Variants in RPTOR observed in about 807,000 individuals in gnomAD.
RPTOR encodes regulatory associated protein of MTOR complex 1, also known as regulatory-associated protein of mTOR.
RPTOR carries 21 observed loss-of-function variants against 169.9 expected under a neutral mutation model. The ratio of observed to expected loss-of-function variants is 0.12; its 90% CI spans 0.09 to 0.18. The LOEUF is 0.18. Ranked by LOEUF, RPTOR falls within the 10% of genes least tolerant of loss-of-function variation. RPTOR has a pLI of 1.00. For missense variants in RPTOR, 1,133 were observed against 1,855.9 expected (o/e 0.61, Z 7.16); for synonymous variants, 732 against 753.2 (o/e 0.97, Z 0.46).
At chr17:80,727,154 CCGAGAACG>C in intron 4 of RPTOR, among the ~76,000 whole-genome samples, 1 of 149,106 alleles carries the variant, frequency 6.7e-6, no homozygotes, top group East Asian at 2.0e-4. Flanking sequence ...ACTTCCTGCT[CCGAGAACG>C]TGAACTCTGC....
chr17:80,958,480 G>A (rs1252359940), intron 29 of RPTOR, among the ~76,000 whole-genome samples: 1 of 136,402 alleles, frequency 7.3e-6, no homozygotes, highest in Non-Finnish European at 1.5e-5. Context: ...GCGCGATCTC[G>A]GCTCACTGCA....
chr17:80,794,264 A>G (rs1156543045), intron 7 of RPTOR, among the ~76,000 whole-genome samples: 2 of 152,252 alleles, frequency 1.3e-5, no homozygotes, highest in Non-Finnish European at 2.9e-5. Context: ...AAAGAAAATT[A>G]GAAAATAGAC....
intron 1 of RPTOR, among the ~76,000 whole-genome samples, chr17:80,590,650 TG>T (rs2065098104): frequency 6.6e-6 from 1 of 152,252 alleles, no homozygotes; most frequent in East Asian, 1.9e-4. Context: ...GTGCACACAG[TG>T]TCTTTAATGG....
intron 3 of RPTOR, among the ~76,000 whole-genome samples, chr17:80,683,624 AT>A (rs2065914332): frequency 6.6e-6 from 1 of 152,048 alleles, no homozygotes; most frequent in African/African-American, 2.4e-5. Context: ...CTTCGCCCCC[AT>A]TCATTCCTTC....
chr17:80,754,232 C>T lies in RPTOR; in HGVS notation c.830+47C>T, dbSNP rs1351381280. The T allele has an allele frequency of 3.3e-6, 5 of 1,522,838 alleles. No individual in the cohort carries two copies. In the Admixed American group the frequency reaches 5.8e-5, roughly 18 times the overall value. The allele number at this position is 1,522,838 out of a possible 1,614,324, so 94.3% of individuals were successfully genotyped here. A position where few individuals can be genotyped will look rare whatever the true frequency, so the allele number is the denominator to read the frequency against. ...CCTGGGACCCACTCAACTGGGCTCT[C>T]CCGCAGGGACCCCAACCCATGTGGG... On this transcript the variant is annotated intron_variant, in intron 6 of 33. Coordinates refer to ENST00000306801, the MANE Select transcript of RPTOR (RefSeq NM_020761.3). The surrounding 1 kb of genome is among the most constrained non-coding windows in gnomAD (Gnocchi z 4.2).
At chr17:80,883,730 G>T (rs1310069857) in intron 15 of RPTOR, 51 bp from the exon 16 acceptor site, 1 of 1,590,770 alleles carries the variant, frequency 6.3e-7, no homozygotes, top group African/African-American at 1.3e-5. Flanking sequence ...CCCACCACGT[G>T]CCTGCCATTG....
chr17:80,597,585 A>G (rs1247354652), intron 1 of RPTOR, among the ~76,000 whole-genome samples: 2 of 152,096 alleles, frequency 1.3e-5, no homozygotes, highest in African/African-American at 4.8e-5. Context: ...GCTGGAGTGC[A>G]GTGCGATCTC....
At chr17:80,877,300 TGA>T (rs2068132041) in intron 13 of RPTOR, among the ~76,000 whole-genome samples, 1 of 152,220 alleles carries the variant, frequency 6.6e-6, no homozygotes, top group South Asian at 2.1e-4. Context: ...GGGGGCGGTT[TGA>T]GTTAGTGAAA....
chr17:80,596,421 CT>C (rs970493340), intron 1 of RPTOR, among the ~76,000 whole-genome samples: 17 of 148,968 alleles, frequency 1.1e-4, no homozygotes, highest in Non-Finnish European at 1.2e-4. Context: ...TTAGGTTCGA[CT>C]TTTTTTTTTA....
chr17:80,631,369 G>A (rs2065440712), intron 2 of RPTOR, among the ~76,000 whole-genome samples: 1 of 152,164 alleles, frequency 6.6e-6, no homozygotes, highest in South Asian at 2.1e-4. Context: ...ATGCAGGAGA[G>A]TGTGAGTGCC....
At chr17:80,766,568 A>G (rs1332776087) in intron 6 of RPTOR, among the ~76,000 whole-genome samples, 1 of 152,220 alleles carries the variant, frequency 6.6e-6, no homozygotes, top group African/African-American at 2.4e-5. Flanking sequence ...GCATCTTACA[A>G]TAAGTAACAT....
chr17:80,922,480 G>A (rs2068757252), intron 21 of RPTOR, among the ~76,000 whole-genome samples: 1 of 152,162 alleles, frequency 6.6e-6, no homozygotes, highest in African/African-American at 2.4e-5. Context: ...CAGACATCCC[G>A]GCTCACACGG....
intron 3 of RPTOR, among the ~76,000 whole-genome samples, chr17:80,662,223 G>T (rs1464499069): frequency 6.6e-6 from 1 of 152,106 alleles, no homozygotes; most frequent in African/African-American, 2.4e-5. Context: ...GAGGCCAGCC[G>T]CCTTCTGCCT....
chr17:80,730,468 A>G lies in RPTOR; in HGVS notation c.508-92A>G. The G allele has an allele frequency of 7.0e-7, 1 of 1,428,400 alleles. No individual in the cohort carries two copies. The highest frequency in any genetic ancestry group is 9.8e-7 in the Non-Finnish European group (1 of 1,025,456). 88.5% of individuals were successfully genotyped at this position (1,428,400 alleles called of 1,614,324 possible). A position where few individuals can be genotyped will look rare whatever the true frequency, so the allele number is the denominator to read the frequency against. On this transcript the variant is annotated intron_variant, in intron 4 of 33. Coordinates refer to ENST00000306801, the MANE Select transcript of RPTOR (RefSeq NM_020761.3). This position sits in a 1 kb window ranked among gnomAD's most constrained non-coding sequence, Gnocchi z 4.2. ...CAGCGTCTCTCCAGCCACCAGGCTC[A>G]ATGTGTGTGCCTTTTGTAACGGTGC... is the stretch of plus-strand genomic sequence containing the variant.
intron 3 of RPTOR, among the ~76,000 whole-genome samples, chr17:80,674,671 C>T (rs1255059090): frequency 6.6e-6 from 1 of 151,854 alleles, no homozygotes; most frequent in Non-Finnish European, 1.5e-5. Flanking sequence ...GCCTGTAGTC[C>T]CAGCTACCTG....
In RPTOR at chr17:80,730,394, T is replaced by G. The variant is rs2066380131; in HGVS notation, c.508-166T>G. 6.6e-6 allele frequency among the ~76,000 whole-genome samples: 1 copy of G among 152,116 alleles called. No homozygotes were observed. The highest frequency in any genetic ancestry group is 2.4e-5 in the African/African-American group (1 of 41,438). On this transcript the variant is annotated intron_variant, in intron 4 of 33. Coordinates refer to ENST00000306801, the MANE Select transcript of RPTOR (RefSeq NM_020761.3). The surrounding 1 kb of genome is among the most constrained non-coding windows in gnomAD (Gnocchi z 4.2). ...GTGCTGAGATTCAGGTGTGAGCCAT[T>G]GCGCCTGGCCAGTTTGCTGTTTTTT...
At position 80,726,183 on chromosome 17, in the gene RPTOR, G is replaced by A. The variant is rs770646681; in HGVS notation, c.508-4377G>A. On this transcript the variant is annotated intron_variant, in intron 4 of 33. Coordinates refer to ENST00000306801, the MANE Select transcript of RPTOR (RefSeq NM_020761.3). This position sits in a 1 kb window ranked among gnomAD's most constrained non-coding sequence, Gnocchi z 4.5. ...GGGGCTGGGAAAGCTGTTCTGTGGC[G>A]CAGCATCCCAGTGGCTGTTACGGGG... Among the ~76,000 whole-genome samples the A allele has an allele frequency of 7.9e-5, 12 of 152,184 alleles. No homozygotes were observed. Among genetic ancestry groups the A allele is most frequent in the Non-Finnish European group, 1.5e-4 (10 of 68,038 alleles).
At chr17:80,918,500 G>C in intron 21 of RPTOR, among the ~76,000 whole-genome samples, 2 of 100,256 alleles carry the variant, frequency 2.0e-5, no homozygotes, top group African/African-American at 3.6e-5. Flanking sequence ...CCTCGCGGGG[G>C]TCATAGCCAT....
intron 2 of RPTOR, among the ~76,000 whole-genome samples, chr17:80,637,240 A>C (rs927661994): frequency 1.3e-5 from 2 of 152,230 alleles, no homozygotes; most frequent in East Asian, 3.9e-4. Context: ...GTCTGTGAGC[A>C]AACAAGGGGC....
Sources: gnomAD v4.1 joint callset for allele counts (sites outside exome capture counted in the v4.1 genomes callset) on GRCh38, gnomAD v4.1.1 for gene constraint, Gnocchi (gnomAD v3.1) non-coding constraint, MANE v1.5 for transcripts, NCBI Gene and HGNC (gene_info 2026-07-23, HGNC 2026-07-21) for gene names.